Variants in KCNJ6 observed in about 807,000 individuals in gnomAD.
KCNJ6 encodes the protein potassium inwardly rectifying channel subfamily J member 6, also known as G protein-activated inward rectifier potassium channel 2.
Under a neutral mutation model 34.2 loss-of-function variants are expected in KCNJ6, and 9 were observed. The observed-to-expected ratio is 0.26, with a 90% CI of 0.16 to 0.46. The LOEUF (loss-of-function observed/expected upper bound fraction) is 0.46, where lower values mean the gene tolerates loss of function less well. KCNJ6 is among the 20% of genes least tolerant of loss of function. KCNJ6 has a pLI of 1.00. For missense variants in KCNJ6, 236 were observed against 531.3 expected (o/e 0.44, Z 5.46); for synonymous variants, 196 against 207.1 (o/e 0.95, Z 0.46).
intron 2 of KCNJ6, among the ~76,000 whole-genome samples, chr21:37,732,495 G>T (rs1468145181): frequency 2.0e-5 from 3 of 152,198 alleles, no homozygotes; most frequent in African/African-American, 7.2e-5. Context: ...TTCTAAAAAG[G>T]TCTGGTGAGC....
intron 2 of KCNJ6, among the ~76,000 whole-genome samples, chr21:37,776,542 A>G (rs987014929): frequency 6.6e-6 from 1 of 152,166 alleles, no homozygotes; most frequent in African/African-American, 2.4e-5. Flanking sequence ...TAATTTATTG[A>G]GAGTTTTTAG....
chr21:37,691,440 C>CCAGCCTGCTTGGCA (rs879813790), intron 3 of KCNJ6, among the ~76,000 whole-genome samples: 47 of 152,264 alleles, frequency 3.1e-4, no homozygotes, highest in Non-Finnish European at 5.1e-4. Flanking sequence ...TGACACCCTC[C>CCAGCCTGCTTGGCA]CAGCCTGCTT....
At chr21:37,867,482 T>A (rs1009739241) in intron 1 of KCNJ6, among the ~76,000 whole-genome samples, 1 of 152,200 alleles carries the variant, frequency 6.6e-6, no homozygotes, top group African/African-American at 2.4e-5. Flanking sequence ...CTTTTGAGAG[T>A]AATATCAAGA....
intron 3 of KCNJ6, among the ~76,000 whole-genome samples, chr21:37,709,016 A>C (rs1409063231): frequency 6.6e-6 from 1 of 152,198 alleles, no homozygotes; most frequent in East Asian, 1.9e-4. Context: ...TTTGTAGACA[A>C]TGCTTATTTA....
chr21:37,863,378 T>C (rs74537687), intron 1 of KCNJ6, among the ~76,000 whole-genome samples: 2,307 of 152,248 alleles, frequency 0.015, 57 homozygotes, highest in African/African-American at 0.053. Context: ...CTTCTTAATA[T>C]TGATGGGTAT....
rs181201363 is a variant in KCNJ6 at position 37,653,045 on chromosome 21, C to T, written c.947-27561G>A. Among the ~76,000 whole-genome samples the T allele has an allele frequency of 1.6e-4, 24 of 152,240 alleles. No homozygotes were observed. The East Asian group carries it at 1.9e-3, about 12-fold the overall frequency. On this transcript the variant is annotated intron_variant, in intron 3 of 3. Coordinates refer to ENST00000609713, the MANE Select transcript of KCNJ6 (RefSeq NM_002240.5). ...GGTTGCATGAATTTAGAATGATGCT[C>T]ATCTGCCCGTGTGTGTGTGGGATTA...
chr21:37,702,581 G>T (rs993785686), intron 3 of KCNJ6, among the ~76,000 whole-genome samples: 1 of 152,104 alleles, frequency 6.6e-6, no homozygotes, highest in Non-Finnish European at 1.5e-5. Flanking sequence ...AGCTTGTTAG[G>T]CCACGTATGC....
intron 2 of KCNJ6, among the ~76,000 whole-genome samples, chr21:37,795,579 T>C (rs2055237254): frequency 2.6e-5 from 4 of 151,988 alleles, no homozygotes; most frequent in Non-Finnish European, 5.9e-5. Flanking sequence ...AACCCGTCTC[T>C]ACTAAAAATA....
At chr21:37,821,762 TTAATCAA>T (rs2055374351) in intron 2 of KCNJ6, among the ~76,000 whole-genome samples, 1 of 152,254 alleles carries the variant, frequency 6.6e-6, no homozygotes, top group Non-Finnish European at 1.5e-5. Flanking sequence ...CTGGGTCTGG[TTAATCAA>T]ATAGTAAATT....
At position 37,616,611 on chromosome 21, in the gene KCNJ6, A is replaced by C. The variant is rs2054268955; in HGVS notation, c.*8548T>G. The C allele has an allele frequency of 9.0e-6, 1 of 111,714 alleles. No individual in the cohort carries two copies. Among genetic ancestry groups the C allele is most frequent in the African/African-American group, 3.7e-5 (1 of 27,214 alleles). The allele number at this position is 111,714 out of a possible 1,614,324, so 6.9% of individuals were successfully genotyped here. On this transcript the variant is annotated 3_prime_UTR_variant, in exon 4 of 4. Coordinates refer to ENST00000609713, the MANE Select transcript of KCNJ6 (RefSeq NM_002240.5). Reference sequence around the variant, plus strand: ...TGTACATATATATATATATATATATATATATGGTTAGACTCTGAACATATA... The same window carrying C: ...TGTACATATATATATATATATATATCTATATGGTTAGACTCTGAACATATA...
intron 1 of KCNJ6, 135 bp downstream of exon 1, chr21:37,915,749 T>C (rs1034112629): frequency 3.3e-5 from 5 of 152,182 alleles, no homozygotes; most frequent in African/African-American, 1.2e-4. Flanking sequence ...TTGGGCACAA[T>C]GTTTCTCATG....
intron 3 of KCNJ6, among the ~76,000 whole-genome samples, chr21:37,673,696 T>C (rs2123410310): frequency 6.6e-6 from 1 of 151,968 alleles, no homozygotes; most frequent in Non-Finnish European, 1.5e-5. Context: ...ATTTTAGAGG[T>C]GTGTTCAGAG....
intron 3 of KCNJ6, among the ~76,000 whole-genome samples, chr21:37,680,849 A>G (rs548236102): frequency 1.3e-5 from 2 of 152,276 alleles, no homozygotes; most frequent in South Asian, 2.1e-4. Context: ...CTCTCTTTCT[A>G]TCTCTTCATC....
At chr21:37,698,853 C>T (rs1355287960) in intron 3 of KCNJ6, among the ~76,000 whole-genome samples, 3 of 152,104 alleles carry the variant, frequency 2.0e-5, no homozygotes, top group Admixed American at 6.5e-5. Flanking sequence ...TGTGCCACCA[C>T]GCTTGGCTAA....
rs1360390330 is a variant in KCNJ6, at chr21:37,614,501, CAT to C, written c.*10656_*10657del. 8.0e-4 allele frequency: 71 copies of C among 88,512 alleles called. No individual in the cohort carries two copies. Among genetic ancestry groups the C allele is most frequent in the African/African-American group, 1.2e-3 (29 of 24,560 alleles). The allele number at this position is 88,512 out of a possible 1,614,324, so 5.5% of individuals were successfully genotyped here. A position where few individuals can be genotyped will look rare whatever the true frequency, so the allele number is the denominator to read the frequency against. On this transcript the variant is annotated 3_prime_UTR_variant, in exon 4 of 4. Coordinates refer to ENST00000609713, the MANE Select transcript of KCNJ6 (RefSeq NM_002240.5). The stretch of plus-strand genomic sequence containing the variant: ...ATGCATGTGTCTGTGTGCGTGTATG[CAT>C]GTGTCTCTGTATGCATGTGTGTATG...
At position 37,610,263 on chromosome 21, in the gene KCNJ6, A is replaced by T. The variant is rs1372904319; in HGVS notation, c.*14896T>A. The stretch of plus-strand genomic sequence containing the variant: ...AATGTTTGTTGAAAAAGATGAGGAA[A>T]CTACAGCAGATTAGTCTTTTTGCTT... On this transcript the variant is annotated 3_prime_UTR_variant, in exon 4 of 4. Transcript: ENST00000609713. The T allele has an allele frequency of 6.6e-6, 1 of 152,118 alleles. No homozygotes were observed. Among genetic ancestry groups the T allele is most frequent in the Non-Finnish European group, 1.5e-5 (1 of 68,038 alleles). The allele number at this position is 152,118 out of a possible 1,614,324, so 9.4% of individuals were successfully genotyped here. A position where few individuals can be genotyped will look rare whatever the true frequency, so the allele number is the denominator to read the frequency against.
intron 2 of KCNJ6, among the ~76,000 whole-genome samples, chr21:37,761,329 T>TG (rs60501133): frequency 0.99 from 150,342 of 152,130 alleles, 74,288 homozygotes; most frequent in South Asian, 1. Flanking sequence ...CTTGTGTGTA[T>TG]TAGTGTGTGT....
intron 3 of KCNJ6, among the ~76,000 whole-genome samples, chr21:37,671,221 G>A (rs1285769527): frequency 2.0e-5 from 3 of 152,178 alleles, no homozygotes; most frequent in Non-Finnish European, 4.4e-5. Context: ...CCAACCTCCA[G>A]GGAAGGGAAG....
At chr21:37,837,890 GT>G (rs1176968348) in intron 2 of KCNJ6, among the ~76,000 whole-genome samples, 1 of 152,076 alleles carries the variant, frequency 6.6e-6, no homozygotes, top group Non-Finnish European at 1.5e-5. Context: ...TTAGTCATGA[GT>G]TTAATTTAAA....
Sources: gnomAD v4.1 joint callset for allele counts (sites outside exome capture counted in the v4.1 genomes callset) on GRCh38, gnomAD v4.1.1 for gene constraint, MANE v1.5 for transcripts, NCBI Gene and HGNC (gene_info 2026-07-23, HGNC 2026-07-21) for gene names.